Variants in GSE1 observed in about 807,000 individuals in gnomAD.
The protein encoded by GSE1 is Gse1 coiled-coil protein.
GSE1 carries 32 observed loss-of-function variants against 112.6 expected under a neutral mutation model. The ratio of observed to expected loss-of-function variants is 0.28; its 90% CI spans 0.21 to 0.38. The LOEUF (loss-of-function observed/expected upper bound fraction) is 0.38. GSE1 is among the 10% of genes least tolerant of loss of function. The pLI is 1.00. For synonymous variants in GSE1, 1,115 were observed against 735.6 expected (o/e 1.52, Z -8.35); for missense variants, 2,348 against 1,699.2 (o/e 1.38, Z -6.71).
chr16:85,671,160 A>G (rs922292374), intron 15 of GSE1, 62 bp downstream of exon 15: 22 of 936,210 alleles, frequency 2.3e-5, no homozygotes, highest in African/African-American at 3.3e-5. Context: ...GTTCAGAAAC[A>G]CCCATGCAGA....
intron 1 of GSE1, among the ~76,000 whole-genome samples, chr16:85,350,645 G>A (rs2046834006): frequency 6.6e-6 from 1 of 152,102 alleles, no homozygotes; most frequent in Non-Finnish European, 1.5e-5. Context: ...TTTGATTCTT[G>A]TTCCTGATGT....
At chr16:85,339,685 A>G (rs1453825017) in intron 1 of GSE1, among the ~76,000 whole-genome samples, 2 of 151,062 alleles carry the variant, frequency 1.3e-5, no homozygotes, top group Non-Finnish European at 3.0e-5. Flanking sequence ...TAATCTTTCC[A>G]TTTTTCTTCT....
intron 1 of GSE1, among the ~76,000 whole-genome samples, chr16:85,340,232 C>G (rs1053024813): frequency 6.6e-6 from 1 of 152,136 alleles, no homozygotes; most frequent in Non-Finnish European, 1.5e-5. Context: ...TGTCTGTGGT[C>G]CCAGTTACCT....
At chr16:85,420,543 T>C (rs936037848) in intron 2 of GSE1, among the ~76,000 whole-genome samples, 6 of 152,034 alleles carry the variant, frequency 3.9e-5, no homozygotes. Flanking sequence ...TGCTCTCTGG[T>C]CACTCAGGGC....
Position 85,661,250 on chromosome 16 carries a change from C to T in GSE1, c.1745C>T (p.Thr582Met), listed in dbSNP as rs370910997. 38 of 1,612,834 alleles carry T rather than the reference C, an allele frequency of 2.4e-5. No homozygotes were observed. Among genetic ancestry groups the T allele is most frequent in the Admixed American group, 1.0e-4 (6 of 60,012 alleles). ...SPKPQLHAAP[T>M]ALWNPVSLMD... ...AAGCCCCAGCTCCATGCTGCACCCA[C>T]GGCCCTCTGGAACCCCGTGTCCCTG... The change falls in exon 9 of 16, where the codon ACG (threonine) becomes ATG (methionine). Residue 582 changes from threonine (T) to methionine (M), a missense_variant. Physicochemically the swap from Thr to Met is moderately conservative, Grantham distance 81. Coordinates refer to ENST00000253458, the MANE Select transcript of GSE1 (RefSeq NM_014615.5).
chr16:85,223,724 C>G (rs1255541186), intron 1 of GSE1, among the ~76,000 whole-genome samples: 4 of 151,770 alleles, frequency 2.6e-5, no homozygotes, highest in Non-Finnish European at 4.4e-5. Flanking sequence ...CCTGCCTCAA[C>G]CTCCCGATTA....
At position 85,224,556 on chromosome 16, in the gene GSE1, C is replaced by T. The variant is rs183832088; in HGVS notation, c.2283+52749C>T. Among the ~76,000 whole-genome samples, 8 of 152,220 alleles carry T rather than the reference C, an allele frequency of 5.3e-5. 1 individual carries two copies. The highest frequency in any genetic ancestry group is 1.9e-4 in the African/African-American group (8 of 41,516). The stretch of plus-strand genomic sequence containing the variant: ...CAGACTCATTCATTCATTCATTCCA[C>T]AGAGGTTCCTTGAGCATCTACTATG... On this transcript the variant is annotated intron_variant, in intron 1 of 2. Coordinates refer to the GSE1 transcript ENST00000637419.
intron 1 of GSE1, among the ~76,000 whole-genome samples, chr16:85,234,525 C>T (rs4072252): frequency 0.45 from 68,814 of 151,970 alleles, 15,716 homozygotes; most frequent in Admixed American, 0.54. Flanking sequence ...TCTGAGCTAG[C>T]GGATCCCACT....
At chr16:85,590,646 CGT>C (rs1317591002) in intron 1 of GSE1, among the ~76,000 whole-genome samples, 1 of 151,894 alleles carries the variant, frequency 6.6e-6, no homozygotes, top group Admixed American at 6.5e-5. Context: ...TGTGTGTGAG[CGT>C]GTGTGATTGA....
At chr16:85,539,725 A>T (rs1040742741) in intron 2 of GSE1, among the ~76,000 whole-genome samples, 1 of 152,038 alleles carries the variant, frequency 6.6e-6, no homozygotes, top group Non-Finnish European at 1.5e-5. Context: ...ACCTCCTCTC[A>T]CCTATCTGCT....
chr16:85,391,447 G>T (rs910726080), intron 2 of GSE1, among the ~76,000 whole-genome samples: 1 of 152,150 alleles, frequency 6.6e-6, no homozygotes, highest in African/African-American at 2.4e-5. Context: ...AAAATCAAGG[G>T]GTTGGCAGGG....
exon 1 of GSE1, chr16:85,556,165 T>C (rs1484701779): frequency 1.0e-6 from 1 of 982,712 alleles, no homozygotes; most frequent in Non-Finnish European, 1.2e-6. Context: ...AGACTGATTT[T>C]TTTTTTTCGT....
At chr16:85,197,393 G>T (rs761599302) in intron 1 of GSE1, among the ~76,000 whole-genome samples, 1 of 152,102 alleles carries the variant, frequency 6.6e-6, no homozygotes, top group African/African-American at 2.4e-5. Context: ...TCTCTTCCTC[G>T]GGGAATTTCT....
intron 1 of GSE1, among the ~76,000 whole-genome samples, chr16:85,227,314 G>C (rs2075506086): frequency 6.6e-6 from 1 of 152,228 alleles, no homozygotes; most frequent in African/African-American, 2.4e-5. Flanking sequence ...GTGAGCACCT[G>C]CTGTTCTCAG....
intron 2 of GSE1, among the ~76,000 whole-genome samples, chr16:85,369,814 T>C (rs893254408): frequency 2.0e-5 from 3 of 152,226 alleles, no homozygotes; most frequent in Non-Finnish European, 4.4e-5. Flanking sequence ...TAGTCATTTA[T>C]TGAGCGCCGA....
chr16:85,668,031 C>G lies in GSE1; in HGVS notation c.3131-109C>G, dbSNP rs1351482077. ...GCGATGTCATCTTGGTCCCCGGAGCCCTGCAGTCATGTTGACTCTGCACCA... is the reference window on the plus strand; with the variant it reads ...GCGATGTCATCTTGGTCCCCGGAGCGCTGCAGTCATGTTGACTCTGCACCA... On this transcript the variant is annotated intron_variant, in intron 13 of 15. Coordinates refer to ENST00000253458, the MANE Select transcript of GSE1 (RefSeq NM_014615.5). 1.5e-5 allele frequency: 12 copies of G among 809,072 alleles called. No individual in the cohort carries two copies. In the East Asian group the frequency reaches 3.0e-4, roughly 20 times the overall value. 50.1% of individuals were successfully genotyped at this position (809,072 alleles called of 1,614,324 possible). A position where few individuals can be genotyped will look rare whatever the true frequency, so the allele number is the denominator to read the frequency against.
chr16:85,616,740 T>TG (rs2048395300), intron 1 of GSE1, among the ~76,000 whole-genome samples: 1 of 147,836 alleles, frequency 6.8e-6, no homozygotes, highest in Admixed American at 6.7e-5. Flanking sequence ...GAGTGCGGTG[T>TG]GGGACGCCGT....
chr16:85,645,382 G>T (rs894027923), intron 2 of GSE1, among the ~76,000 whole-genome samples: 3 of 152,160 alleles, frequency 2.0e-5, no homozygotes, highest in Non-Finnish European at 4.4e-5. Context: ...GCTAGACGGA[G>T]TGTCTGTTGT....
chr16:85,652,234 A>C (rs553391604), intron 3 of GSE1, among the ~76,000 whole-genome samples: 1 of 152,370 alleles, frequency 6.6e-6, no homozygotes, highest in East Asian at 1.9e-4. Flanking sequence ...TGACGGGCAC[A>C]TGCCATTGAT....
Sources: allele counts gnomAD v4.1 joint callset (sites outside exome capture counted in the v4.1 genomes callset), GRCh38; gene constraint gnomAD v4.1.1; transcripts MANE v1.5; gene names NCBI Gene and HGNC (gene_info 2026-07-23, HGNC 2026-07-21).